ZNF600: variants seen among roughly 807,000 people sequenced by gnomAD.
The protein encoded by ZNF600 is zinc finger protein KR-ZNF1.
In ZNF600, 4 loss-of-function variants were observed where a neutral mutation model predicts 7.3. The ratio of observed to expected loss-of-function variants is 0.55; its 90% confidence interval spans 0.27 to 1.25. The LOEUF (loss-of-function observed/expected upper bound fraction) is 1.25. Among genes scored for constraint, ZNF600 ranks in the 50% most tolerant of loss-of-function variants. The probability of loss-of-function intolerance (pLI) is 0.12; values close to 1 mark genes in which losing one functional copy is unlikely to be tolerated. For missense variants in ZNF600, 911 were observed against 922.1 expected (o/e 0.99, Z 0.16); for synonymous variants, 290 against 308.9 (o/e 0.94, Z 0.64).
chr19:52,814,278 A>G, the ZNF600 span: 1 of 145,930 alleles, frequency 6.9e-6, no homozygotes, highest in Non-Finnish European at 1.5e-5. Flanking sequence ...ATGTTTAAAT[A>G]TAACCATATA....
chr19:52,797,409 C>T, the ZNF600 span: 4 of 152,306 alleles, frequency 2.6e-5, no homozygotes, highest in South Asian at 8.3e-4. Flanking sequence ...TCATCCAAAT[C>T]AGAAAGAAAG....
upstream of ZNF600, among the ~76,000 whole-genome samples, chr19:52,788,134 G>A (rs558584780): frequency 6.6e-6 from 1 of 152,288 alleles, no homozygotes; most frequent in African/African-American, 2.4e-5. Context: ...CATGCCCAGT[G>A]CAGCCTCTTC....
At chr19:52,764,520 T>C (rs2062553535), downstream of ZNF600, 1 of 138,026 alleles carries the variant, frequency 7.2e-6, no homozygotes, top group African/African-American at 3.0e-5. Context: ...TTGATATCCT[T>C]TTTTTTTTTT....
chr19:52,797,127 A>G, the ZNF600 span, among the ~76,000 whole-genome samples: 1 of 152,252 alleles, frequency 6.6e-6, no homozygotes. Flanking sequence ...ATAATGAAAG[A>G]TGAAAACCAC....
chr19:52,764,360 ACCACCAC>A (rs2062552026), downstream of ZNF600: 1 of 151,736 alleles, frequency 6.6e-6, no homozygotes, highest in Non-Finnish European at 1.5e-5. Flanking sequence ...AAAGGTGCAC[ACCACCAC>A]CCCCCGGCTA....
the ZNF600 span, among the ~76,000 whole-genome samples, chr19:52,823,726 C>T: frequency 1.3e-5 from 2 of 152,056 alleles, no homozygotes; most frequent in Admixed American, 6.6e-5. Context: ...GAAATACATC[C>T]TTGGGTCATT....
At chr19:52,768,144 G>A (rs1332452407) in intron 3 of ZNF600, among the ~76,000 whole-genome samples, 1 of 151,128 alleles carries the variant, frequency 6.6e-6, no homozygotes, top group Non-Finnish European at 1.5e-5. Context: ...TATTTACTGT[G>A]TACAAATGCT....
the ZNF600 span, chr19:52,810,094 C>T: frequency 8.9e-6 from 7 of 784,016 alleles, no homozygotes; most frequent in Admixed American, 9.9e-5. Context: ...TCAGGAGCCA[C>T]CGGCAGCCAA....
chr19:52,776,016 AAC>A (rs1352952173), intron 2 of ZNF600, among the ~76,000 whole-genome samples: 1 of 150,480 alleles, frequency 6.6e-6, no homozygotes. Flanking sequence ...CAAAAAAAAA[AAC>A]CAAAAACCAA....
chr19:52,782,107 G>A (rs1017789109), intron 1 of ZNF600, among the ~76,000 whole-genome samples: 1 of 151,186 alleles, frequency 6.6e-6, no homozygotes, highest in Non-Finnish European at 1.5e-5. Context: ...GCGTGCCTGT[G>A]GTCCCAGCTA....
At chr19:52,833,158 T>C in the ZNF600 span, among the ~76,000 whole-genome samples, 1 of 152,182 alleles carries the variant, frequency 6.6e-6, no homozygotes, top group Non-Finnish European at 1.5e-5. Context: ...TTCCAGAATT[T>C]ACCAGATATC....
the ZNF600 span, among the ~76,000 whole-genome samples, chr19:52,830,881 A>G: frequency 7.1e-6 from 1 of 140,832 alleles, no homozygotes; most frequent in African/African-American, 2.8e-5. Context: ...ATCTGTGGGA[A>G]TATAATTCCA....
the ZNF600 span, among the ~76,000 whole-genome samples, chr19:52,832,791 A>G: frequency 5.9e-5 from 9 of 151,526 alleles, no homozygotes; most frequent in African/African-American, 1.9e-4. Flanking sequence ...TTTTCTTTTG[A>G]GATGGAGTCT....
the ZNF600 span, among the ~76,000 whole-genome samples, chr19:52,796,832 T>C: frequency 6.6e-6 from 1 of 152,176 alleles, no homozygotes; most frequent in South Asian, 2.1e-4. Context: ...TTTGATTGAG[T>C]CTCTTTTCAA....
chr19:52,819,257 C>T, the ZNF600 span, among the ~76,000 whole-genome samples: 1 of 139,046 alleles, frequency 7.2e-6, no homozygotes, highest in Non-Finnish European at 1.5e-5. Context: ...TCCTGGGGAA[C>T]ACGGGAAGCA....
In ZNF600 at chr19:52,767,665, C is replaced by T; in HGVS notation, c.298G>A (p.Asp100Asn). ...TTCTCAATTTCCTGGAAGCAAAAATCTCCAATGTGATAACTTTGATATCTT... is the reference window on the plus strand; with the variant it reads ...TTCTCAATTTCCTGGAAGCAAAAATTTCCAATGTGATAACTTTGATATCTT... Residue 100 changes from aspartate to asparagine, a missense_variant, in exon 4 of 4, where the codon GAT becomes AAT. Transcript: ENST00000648973. 5.0e-6 allele frequency: 8 copies of T among 1,614,104 alleles called. No individual in the cohort carries two copies. Among genetic ancestry groups the T allele is most frequent in the Non-Finnish European group, 6.8e-6 (8 of 1,180,016 alleles).
chr19:52,774,417 G>A (rs1178989571), intron 3 of ZNF600, among the ~76,000 whole-genome samples, 158 bp downstream of exon 5: 13 of 138,884 alleles, frequency 9.4e-5, no homozygotes, highest in African/African-American at 2.7e-4. Context: ...TAACAAGAGC[G>A]AAGATCCATC....
At chr19:52,825,828 A>G in the ZNF600 span, among the ~76,000 whole-genome samples, 1 of 152,300 alleles carries the variant, frequency 6.6e-6, no homozygotes, top group African/African-American at 2.4e-5. Context: ...TCTATTAAAA[A>G]TACAAAAAAC....
chr19:52,764,734 GTC>G (rs2062555131), exon 4 of ZNF600: 1 of 153,736 alleles, frequency 6.5e-6, no homozygotes, highest in Admixed American at 6.5e-5. Context: ...AGCCAGGACG[GTC>G]TCGATCTCCT....
Sources: gnomAD v4.1 joint callset for allele counts (sites outside exome capture counted in the v4.1 genomes callset) on GRCh38, gnomAD v4.1.1 for gene constraint, MANE v1.5 for transcripts, NCBI Gene and HGNC (gene_info 2026-07-23, HGNC 2026-07-21) for gene names.